Variants in SPACA7 observed in about 807,000 individuals in gnomAD.
The protein encoded by SPACA7 is sperm acrosome associated 7, also known as sperm acrosome-associated protein 7.
SPACA7 carries 19 observed loss-of-function variants against 26.3 expected under a neutral mutation model. The observed-to-expected ratio is 0.72, with a 90% CI of 0.50 to 1.06. The LOEUF (loss-of-function observed/expected upper bound fraction) is 1.06, where lower values mean the gene tolerates loss of function less well. SPACA7 is among the 50% of genes least tolerant of loss of function. The pLI is 0.00. For synonymous variants in SPACA7, 84 were observed against 84.5 expected (o/e 0.99, Z 0.04); for missense variants, 211 against 229.9 (o/e 0.92, Z 0.53).
chr13:112,398,484 C>T (rs993523404), intron 3 of SPACA7, among the ~76,000 whole-genome samples: 3 of 152,120 alleles, frequency 2.0e-5, no homozygotes, highest in Non-Finnish European at 2.9e-5. Flanking sequence ...CCCACACACG[C>T]CCATGCTCTC....
At chr13:112,413,570 T>G (rs1158162764) in intron 5 of SPACA7, among the ~76,000 whole-genome samples, 1 of 152,192 alleles carries the variant, frequency 6.6e-6, no homozygotes, top group African/African-American at 2.4e-5. Flanking sequence ...TAGTTTTACT[T>G]GGGTTGAATA....
rs575704060 is a variant in SPACA7 at position 112,379,128 on chromosome 13, G to A, written c.94+2649G>A. 4.7e-4 allele frequency among the ~76,000 whole-genome samples: 71 copies of A among 152,100 alleles called. No homozygotes were observed. In the South Asian group the frequency reaches 8.3e-3, roughly 18 times the overall value. On this transcript the variant is annotated intron_variant, in intron 1 of 6. Coordinates refer to ENST00000283550, the MANE Select transcript of SPACA7 (RefSeq NM_145248.5). Reference sequence around the variant, plus strand: ...AAGAAAATTCAGAAAAATTATAATCGTCCCCACATTGAGTCCCACATCATT... The same window carrying A: ...AAGAAAATTCAGAAAAATTATAATCATCCCCACATTGAGTCCCACATCATT...
chr13:112,379,187 T>C (rs1053208348), intron 1 of SPACA7, among the ~76,000 whole-genome samples: 1 of 152,146 alleles, frequency 6.6e-6, no homozygotes. Context: ...GGTTAGCAGG[T>C]TTACAAATCC....
chr13:112,385,525 C>A lies in SPACA7; in HGVS notation c.95-7496C>A, dbSNP rs116504734. ...GTCTGACTCTTTTCAGCATAGCTAGCGGCATGCCTCTCCACATGTCTCCAG... is the reference window on the plus strand; with the variant it reads ...GTCTGACTCTTTTCAGCATAGCTAGAGGCATGCCTCTCCACATGTCTCCAG... On this transcript the variant is annotated intron_variant, in intron 1 of 6. Transcript: ENST00000283550. Among the ~76,000 whole-genome samples, 1,226 of 152,252 alleles carry A rather than the reference C, an allele frequency of 8.1e-3. 19 individuals are homozygous for A. Among genetic ancestry groups the A allele is most frequent in the African/African-American group, 0.028 (1,156 of 41,548 alleles).
rs554984017 is a variant in SPACA7, at chr13:112,388,960, C to T, written c.95-4061C>T. Among the ~76,000 whole-genome samples the T allele has an allele frequency of 2.0e-4, 30 of 152,326 alleles. No homozygotes were observed. The South Asian group carries it at 6.2e-3, about 32-fold the overall frequency. On this transcript the variant is annotated intron_variant, in intron 1 of 6. Transcript: ENST00000283550. ...ACTTTATCCATCTGGGTGGTGCCAG[C>T]TGATCCATCAAGTGCAGGTTCTGCA...
At chr13:112,400,105 A>G (rs1885540271) in intron 4 of SPACA7, among the ~76,000 whole-genome samples, 1 of 149,728 alleles carries the variant, frequency 6.7e-6, no homozygotes, top group African/African-American at 2.6e-5. Context: ...ACTGGGACAC[A>G]CATGTAGGAC....
intron 1 of SPACA7, among the ~76,000 whole-genome samples, chr13:112,391,226 G>T (rs1044473054): frequency 6.6e-6 from 1 of 152,166 alleles, no homozygotes; most frequent in Admixed American, 6.5e-5. Context: ...GGTGACCAAG[G>T]TCTTCCCCAG....
chr13:112,410,875 T>C (rs868098533), intron 5 of SPACA7, among the ~76,000 whole-genome samples: 3 of 152,182 alleles, frequency 2.0e-5, no homozygotes, highest in Admixed American at 2.0e-4. Flanking sequence ...TTATTCACAA[T>C]AGCAAAAACA....
At chr13:112,416,209 T>C (rs1272788361) in intron 5 of SPACA7, among the ~76,000 whole-genome samples, 1 of 152,092 alleles carries the variant, frequency 6.6e-6, no homozygotes, top group Non-Finnish European at 1.5e-5. Context: ...AATTTTATGT[T>C]CCTACAGGGG....
chr13:112,421,672 C>T (rs559653192), intron 5 of SPACA7, among the ~76,000 whole-genome samples: 1 of 152,220 alleles, frequency 6.6e-6, no homozygotes, highest in East Asian at 1.9e-4. Context: ...CTGTTCATTG[C>T]AGCACTACTC....
chr13:112,407,595 C>T (rs12428039), intron 5 of SPACA7, among the ~76,000 whole-genome samples: 39,113 of 151,988 alleles, frequency 0.26, 5,412 homozygotes, highest in South Asian at 0.37. Context: ...AACACCTCTA[C>T]GCAAATAAAC....
At chr13:112,433,645 T>G (rs118068169) in intron 6 of SPACA7, among the ~76,000 whole-genome samples, 3 of 138,618 alleles carry the variant, frequency 2.2e-5, no homozygotes, top group Non-Finnish European at 1.7e-5. Flanking sequence ...CCCTGCTGCA[T>G]GAGTTGTCAT....
chr13:112,395,478 T>G (rs1165483351), intron 2 of SPACA7, among the ~76,000 whole-genome samples: 1 of 151,554 alleles, frequency 6.6e-6, no homozygotes, highest in African/African-American at 2.4e-5. Flanking sequence ...CTGTTTTTTG[T>G]TTTTTTTGAG....
intron 5 of SPACA7, among the ~76,000 whole-genome samples, chr13:112,431,009 G>A (rs1023292954): frequency 5.3e-5 from 8 of 152,200 alleles, no homozygotes; most frequent in Non-Finnish European, 8.8e-5. Flanking sequence ...TCCCTGGAAA[G>A]ATACACAGGA....
chr13:112,408,823 C>T (rs1429471237), intron 5 of SPACA7, among the ~76,000 whole-genome samples: 1 of 152,126 alleles, frequency 6.6e-6, no homozygotes, highest in East Asian at 1.9e-4. Context: ...CCACCCCCAT[C>T]AAGCTACCAA....
At chr13:112,411,671 C>T (rs925633148) in intron 5 of SPACA7, among the ~76,000 whole-genome samples, 3 of 152,146 alleles carry the variant, frequency 2.0e-5, no homozygotes, top group Admixed American at 6.6e-5. Context: ...TTAGCTCCAA[C>T]ATATGAGTGA....
At chr13:112,421,631 A>G (rs1875991586) in intron 5 of SPACA7, among the ~76,000 whole-genome samples, 1 of 152,228 alleles carries the variant, frequency 6.6e-6, no homozygotes, top group Non-Finnish European at 1.5e-5. Flanking sequence ...AGGAATATAA[A>G]TCATTCTATT....
intron 1 of SPACA7, among the ~76,000 whole-genome samples, chr13:112,391,364 C>T (rs1278829511): frequency 2.0e-5 from 3 of 152,180 alleles, no homozygotes; most frequent in Non-Finnish European, 4.4e-5. Flanking sequence ...TTGAGTTGAC[C>T]ATGTTTTGTG....
intron 1 of SPACA7, among the ~76,000 whole-genome samples, chr13:112,387,343 G>A (rs1884590786): frequency 6.6e-6 from 1 of 152,226 alleles, no homozygotes; most frequent in Admixed American, 6.5e-5. Flanking sequence ...GGGACCCACA[G>A]CAAAGTTTGT....
Sources: gnomAD v4.1 joint callset for allele counts (sites outside exome capture counted in the v4.1 genomes callset) on GRCh38, gnomAD v4.1.1 for gene constraint, MANE v1.5 for transcripts, NCBI Gene and HGNC (gene_info 2026-07-23, HGNC 2026-07-21) for gene names.